The following RBFOX3 variants were observed in gnomAD, a reference collection of about 807,000 sequenced individuals.
The protein encoded by RBFOX3 is RNA binding protein fox-1 homolog 3.
In RBFOX3, 17 loss-of-function variants were observed where a neutral mutation model predicts 48.7. The ratio of observed to expected loss-of-function variants is 0.35; its 90% confidence interval spans 0.24 to 0.52. The LOEUF (loss-of-function observed/expected upper bound fraction) is 0.52. RBFOX3 is among the 20% of genes least tolerant of loss of function. The pLI is 0.94. For synonymous variants in RBFOX3, 212 were observed against 209.5 expected (o/e 1.01, Z -0.10); for missense variants, 382 against 497.5 (o/e 0.77, Z 2.21).
rs2066712557 is a variant in RBFOX3, at chr17:79,423,040, G to C, written c.-175+59414C>G. On this transcript the variant is annotated intron_variant, in intron 2 of 14. Coordinates refer to ENST00000693108, the MANE Select transcript of RBFOX3 (RefSeq NM_001350451.2). This position sits in a 1 kb window ranked among gnomAD's most constrained non-coding sequence, Gnocchi z 4.9. ...ACAGGCACGGGACAGGCCGGCCCCT[G>C]CGACGGGACTTCGGGTGCCCCGTGT... 6.6e-6 allele frequency among the ~76,000 whole-genome samples: 1 copy of C among 152,186 alleles called. No homozygotes were observed. The highest frequency in any genetic ancestry group is 1.5e-5 in the Non-Finnish European group (1 of 68,026).
At chr17:79,341,987 T>C (rs1483488792) in intron 2 of RBFOX3, among the ~76,000 whole-genome samples, 1 of 152,210 alleles carries the variant, frequency 6.6e-6, no homozygotes. Flanking sequence ...GGCAAGAGGG[T>C]GTCCTCCATG....
At position 79,154,621 on chromosome 17, in the gene RBFOX3, G is replaced by A. The variant is rs1599710120; in HGVS notation, c.-33-38873C>T. Among the ~76,000 whole-genome samples, 6 of 152,304 alleles carry A rather than the reference G, an allele frequency of 3.9e-5. No individual in the cohort carries two copies. The South Asian group carries it at 1.2e-3, about 32-fold the overall frequency. ...GGCTGCCCAGCCGGGCATGAGCCAGGACGAGCCAGTATTTGGCTGGGTCTC... is the reference window on the plus strand; with the variant it reads ...GGCTGCCCAGCCGGGCATGAGCCAGAACGAGCCAGTATTTGGCTGGGTCTC... On this transcript the variant is annotated intron_variant, in intron 4 of 14. Coordinates refer to ENST00000693108, the MANE Select transcript of RBFOX3 (RefSeq NM_001350451.2).
At chr17:79,337,999 C>T (rs1294767118) in intron 2 of RBFOX3, among the ~76,000 whole-genome samples, 2 of 150,466 alleles carry the variant, frequency 1.3e-5, no homozygotes, top group Admixed American at 6.6e-5. Flanking sequence ...AGCGCAGTGG[C>T]GCGATCTCGG....
intron 1 of RBFOX3, among the ~76,000 whole-genome samples, chr17:79,503,649 T>C (rs1419083547): frequency 1.3e-5 from 2 of 152,288 alleles, no homozygotes; most frequent in African/African-American, 4.8e-5. Context: ...CACTGCACGG[T>C]GCAGGTGAGG....
rs1418760832 is a variant in RBFOX3, at chr17:79,243,793, T to G, written c.-73-7988A>C. ...GCCCAGAGAAGGAATTTTGCCAAGG[T>G]TGACACAGCTTCCAAAGGGCAGAGC... On this transcript the variant is annotated intron_variant, in intron 3 of 14. Transcript: ENST00000693108. The surrounding 1 kb of genome is among the most constrained non-coding windows in gnomAD (Gnocchi z 7.9). Among the ~76,000 whole-genome samples, 1 of 152,058 alleles carries G rather than the reference T, an allele frequency of 6.6e-6. No homozygotes were observed. Among genetic ancestry groups the G allele is most frequent in the African/African-American group, 2.4e-5 (1 of 41,398 alleles).
At chr17:79,155,386 G>C (rs1469170297) in intron 4 of RBFOX3, among the ~76,000 whole-genome samples, 1 of 152,252 alleles carries the variant, frequency 6.6e-6, no homozygotes, top group Non-Finnish European at 1.5e-5. Flanking sequence ...CTCTCGGGCA[G>C]GAAGCCAGTG....
chr17:79,160,474 C>T (rs2046751520), intron 4 of RBFOX3, among the ~76,000 whole-genome samples: 1 of 152,196 alleles, frequency 6.6e-6, no homozygotes, highest in Admixed American at 6.5e-5. Context: ...TGGGCAGTCC[C>T]CCGTATGTGG....
chr17:79,578,536 G>A (rs1237710122), intron 1 of RBFOX3, among the ~76,000 whole-genome samples: 3 of 152,226 alleles, frequency 2.0e-5, no homozygotes, highest in Non-Finnish European at 2.9e-5. Context: ...GGTAGATGAG[G>A]TGAAGGCCTG....
chr17:79,463,237 T>C (rs1368790551), intron 2 of RBFOX3, among the ~76,000 whole-genome samples: 12 of 44,688 alleles, frequency 2.7e-4, no homozygotes, highest in Non-Finnish European at 3.2e-4. Context: ...CCACTGCCAC[T>C]GCCATCGCCA....
intron 2 of RBFOX3, among the ~76,000 whole-genome samples, chr17:79,420,817 T>C (rs537254382): frequency 3.9e-5 from 6 of 152,080 alleles, no homozygotes; most frequent in Non-Finnish European, 7.4e-5. Context: ...TACTGATGAG[T>C]GTCTTTATTT....
At chr17:79,545,592 T>C (rs782558459) in intron 1 of RBFOX3, among the ~76,000 whole-genome samples, 4 of 152,194 alleles carry the variant, frequency 2.6e-5, no homozygotes, top group Non-Finnish European at 5.9e-5. Context: ...AGGCAGCCGA[T>C]TGGTTCAATG....
chr17:79,116,927 C>T (rs540115396), intron 4 of RBFOX3, among the ~76,000 whole-genome samples: 30 of 152,338 alleles, frequency 2.0e-4, no homozygotes, highest in East Asian at 1.4e-3. Context: ...GGTTCCAGGG[C>T]GCACCCCAGG....
intron 2 of RBFOX3, among the ~76,000 whole-genome samples, chr17:79,339,648 C>T (rs1325950319): frequency 6.6e-6 from 1 of 152,200 alleles, no homozygotes; most frequent in Non-Finnish European, 1.5e-5. Context: ...AGGTTCTGAG[C>T]CTGCCGGTCT....
At chr17:79,581,074 C>T (rs1165904625) in intron 1 of RBFOX3, among the ~76,000 whole-genome samples, 3 of 152,088 alleles carry the variant, frequency 2.0e-5, no homozygotes, top group Admixed American at 6.5e-5. Flanking sequence ...GGTGAAACCC[C>T]GTCTCTACTA....
At chr17:79,397,860 G>A (rs1221166314) in intron 2 of RBFOX3, among the ~76,000 whole-genome samples, 4 of 152,156 alleles carry the variant, frequency 2.6e-5, no homozygotes, top group East Asian at 1.9e-4. Flanking sequence ...TGCCAGCACC[G>A]AAAGCTACAA....
At chr17:79,138,153 C>T (rs148608376) in intron 4 of RBFOX3, among the ~76,000 whole-genome samples, 33 of 152,216 alleles carry the variant, frequency 2.2e-4, no homozygotes, top group South Asian at 8.3e-4. Context: ...CGTGTGTCAC[C>T]GAGCCTGCGA....
chr17:79,180,558 A>T (rs1341182588), intron 4 of RBFOX3, among the ~76,000 whole-genome samples: 1 of 152,202 alleles, frequency 6.6e-6, no homozygotes, highest in Admixed American at 6.5e-5. Flanking sequence ...CTGGCCGGGT[A>T]TGGCCCTAGG....
intron 2 of RBFOX3, among the ~76,000 whole-genome samples, chr17:79,451,845 C>A (rs1555741829): frequency 6.6e-6 from 1 of 152,212 alleles, no homozygotes; most frequent in African/African-American, 2.4e-5. Flanking sequence ...TTAGGTGGGG[C>A]CTAGTGCCCA....
chr17:79,660,903 GAT>G, the RBFOX3 span, among the ~76,000 whole-genome samples: 1 of 152,252 alleles, frequency 6.6e-6, no homozygotes, highest in East Asian at 1.9e-4. Flanking sequence ...TCACAGATTG[GAT>G]AAAGAAAACA....
Sources: gnomAD v4.1 joint callset for allele counts (sites outside exome capture counted in the v4.1 genomes callset) on GRCh38, gnomAD v4.1.1 for gene constraint, Gnocchi (gnomAD v3.1) non-coding constraint, MANE v1.5 for transcripts, NCBI Gene and HGNC (gene_info 2026-07-23, HGNC 2026-07-21) for gene names.